The following VTI1A variants were observed in gnomAD, a reference collection of about 807,000 sequenced individuals.
VTI1A encodes the protein vesicle transport through interaction with t-SNAREs 1A.
In VTI1A, 22 loss-of-function variants were observed where a neutral mutation model predicts 34.9. The ratio of observed to expected loss-of-function variants is 0.63; its 90% CI spans 0.45 to 0.90. The LOEUF is 0.90. VTI1A is among the 40% of genes least tolerant of loss of function. The pLI is 0.00. For synonymous variants in VTI1A, 87 were observed against 97.3 expected (o/e 0.89, Z 0.62); for missense variants, 268 against 275.6 (o/e 0.97, Z 0.20).
At chr10:112,826,044 T>C in the VTI1A span, 1 of 152,372 alleles carries the variant, frequency 6.6e-6, no homozygotes, top group African/African-American at 2.4e-5. Flanking sequence ...AAGCATGTTT[T>C]CTGACTGTTT....
chr10:112,771,312 A>G (rs1851810384), intron 7 of VTI1A, among the ~76,000 whole-genome samples: 1 of 152,276 alleles, frequency 6.6e-6, no homozygotes, highest in South Asian at 2.1e-4. Context: ...GCATGTGCCC[A>G]GAAATGAGTC....
intron 7 of VTI1A, among the ~76,000 whole-genome samples, chr10:112,721,798 A>G (rs956917610): frequency 2.1e-5 from 3 of 141,934 alleles, no homozygotes; most frequent in African/African-American, 9.4e-5. Context: ...CCATATAAAG[A>G]AGAATTGATC....
At chr10:112,630,601 A>T (rs1397698509) in intron 5 of VTI1A, among the ~76,000 whole-genome samples, 2 of 152,238 alleles carry the variant, frequency 1.3e-5, no homozygotes, top group Admixed American at 6.5e-5. Flanking sequence ...TGGTGGAGTC[A>T]GGATTTGAAC....
intron 5 of VTI1A, among the ~76,000 whole-genome samples, chr10:112,627,795 A>G (rs1013136845): frequency 2.6e-5 from 4 of 152,236 alleles, no homozygotes; most frequent in African/African-American, 7.2e-5. Context: ...ACTCAACATT[A>G]TAATAGTGAG....
intron 5 of VTI1A, among the ~76,000 whole-genome samples, chr10:112,596,023 G>A (rs1473479533): frequency 6.6e-6 from 1 of 152,000 alleles, no homozygotes; most frequent in African/African-American, 2.4e-5. Context: ...GGACATGGAT[G>A]AAATTGGAAA....
chr10:112,494,930 T>TTAA, intron 3 of VTI1A, among the ~76,000 whole-genome samples: 1 of 152,316 alleles, frequency 6.6e-6, no homozygotes, highest in South Asian at 2.1e-4. Context: ...CAGATTAATG[T>TTAA]TAATATTGGG....
chr10:112,660,930 C>T (rs962606307), intron 5 of VTI1A, among the ~76,000 whole-genome samples: 4 of 152,010 alleles, frequency 2.6e-5, no homozygotes, highest in Non-Finnish European at 2.9e-5. Context: ...TTATTTTAAA[C>T]GGTTACTTTG....
chr10:112,827,646 G>C, the VTI1A span: 1 of 152,094 alleles, frequency 6.6e-6, no homozygotes, highest in South Asian at 2.1e-4. Flanking sequence ...CATATCGTTA[G>C]TACAAGTAAT....
At chr10:112,772,294 G>A (rs150024081) in intron 7 of VTI1A, among the ~76,000 whole-genome samples, 54 of 152,284 alleles carry the variant, frequency 3.5e-4, no homozygotes, top group African/African-American at 1.3e-3. Context: ...TGCATTTCAC[G>A]AGTCCTAATG....
chr10:112,515,952 A>G (rs1849760155), intron 3 of VTI1A, among the ~76,000 whole-genome samples: 1 of 152,084 alleles, frequency 6.6e-6, no homozygotes, highest in African/African-American at 2.4e-5. Context: ...CTGTCACTAG[A>G]GGATAGGATT....
Position 112,637,426 on chromosome 10 carries a change from TG to T in VTI1A, c.428-30789del, listed in dbSNP as rs1846397785. On this transcript the variant is annotated intron_variant, in intron 5 of 7. Transcript: ENST00000393077. ...GCTCACGCCTGTAATCCCAGCACTT[TG>T]GGAGGCCAAGGTGGGCGGATCACGA... Among the ~76,000 whole-genome samples the T allele has an allele frequency of 2.0e-5, 3 of 152,236 alleles. No individual in the cohort carries two copies. In the South Asian group the frequency reaches 6.2e-4, roughly 31 times the overall value.
the VTI1A span, among the ~76,000 whole-genome samples, chr10:112,843,396 A>G: frequency 1.3e-5 from 2 of 152,124 alleles, no homozygotes; most frequent in Admixed American, 1.3e-4. Context: ...TGTGGAAAAT[A>G]ATTTTGAGGC....
intron 7 of VTI1A, among the ~76,000 whole-genome samples, chr10:112,764,026 T>G (rs1029382509): frequency 1.3e-5 from 2 of 152,190 alleles, no homozygotes; most frequent in African/African-American, 2.4e-5. Context: ...GGAAATATTT[T>G]AAATAGTTGC....
At position 112,737,326 on chromosome 10, in the gene VTI1A, C is replaced by A. The variant is rs548194967; in HGVS notation, c.560+68328C>A. The A allele has an allele frequency of 3.9e-6, 4 of 1,022,732 alleles. No individual in the cohort carries two copies. The African/African-American group carries it at 5.1e-5, about 13-fold the overall frequency. The allele number at this position is 1,022,732 out of a possible 1,614,324, so 63.4% of individuals were successfully genotyped here. ...CTCGATCTCTTAACCTTGTGAGCCA[C>A]CGTGCCCAACCCTAACAATTATTTT... On this transcript the variant is annotated intron_variant, in intron 7 of 7. Coordinates refer to ENST00000393077, the MANE Select transcript of VTI1A (RefSeq NM_145206.4).
chr10:112,835,836 TA>T, the VTI1A span, among the ~76,000 whole-genome samples: 104 of 151,966 alleles, frequency 6.8e-4, no homozygotes, highest in Admixed American at 8.5e-4. Context: ...TATATTGGGG[TA>T]GGGGGGGCAG....
At chr10:112,556,317 A>G (rs1851542753) in intron 5 of VTI1A, among the ~76,000 whole-genome samples, 1 of 152,050 alleles carries the variant, frequency 6.6e-6, no homozygotes, top group African/African-American at 2.4e-5. Context: ...CAAGTTTTGC[A>G]TAACTTGAAA....
chr10:112,483,291 A>G (rs193201054), intron 3 of VTI1A, among the ~76,000 whole-genome samples: 4 of 152,304 alleles, frequency 2.6e-5, no homozygotes, highest in East Asian at 1.9e-4. Context: ...AAATCCATAA[A>G]GAGCTGCTCA....
intron 5 of VTI1A, among the ~76,000 whole-genome samples, chr10:112,568,973 G>A (rs975238445): frequency 2.0e-5 from 3 of 152,084 alleles, no homozygotes; most frequent in Admixed American, 1.3e-4. Context: ...TGGCCAACAA[G>A]GTGAAACCCT....
At chr10:112,462,591 G>A (rs910350281) in intron 2 of VTI1A, among the ~76,000 whole-genome samples, 5 of 152,006 alleles carry the variant, frequency 3.3e-5, no homozygotes, top group Admixed American at 6.5e-5. Context: ...TTTATTTATT[G>A]GTGCTTCTCA....
Sources: gnomAD v4.1 joint callset for allele counts (sites outside exome capture counted in the v4.1 genomes callset) on GRCh38, gnomAD v4.1.1 for gene constraint, MANE v1.5 for transcripts, NCBI Gene and HGNC (gene_info 2026-07-23, HGNC 2026-07-21) for gene names.